The following ITPR2 variants were observed in gnomAD, a reference collection of about 807,000 sequenced individuals.
The protein encoded by ITPR2 is inositol 1,4,5-trisphosphate receptor type 2.
Under a neutral mutation model 317.1 loss-of-function variants are expected in ITPR2, and 207 were observed. That is an observed-to-expected ratio of 0.65 (90% CI 0.58 to 0.73). The LOEUF (loss-of-function observed/expected upper bound fraction) is 0.73. Ranked by LOEUF, ITPR2 falls within the 30% of genes least tolerant of loss-of-function variation. ITPR2 has a pLI of 0.00. For synonymous variants in ITPR2, 1,156 were observed against 1,149.1 expected, an observed-to-expected ratio of 1.01 and a Z score of -0.12; for missense variants, 2,613 against 3,284.0, an observed-to-expected ratio of 0.80 and a Z score of 4.99.
At chr12:26,467,634 T>A (rs1270815433) in intron 45 of ITPR2, among the ~76,000 whole-genome samples, 1 of 152,164 alleles carries the variant, frequency 6.6e-6, no homozygotes, top group Non-Finnish European at 1.5e-5. Flanking sequence ...AGACTGATGC[T>A]CTAATAATTA....
At chr12:26,509,093 T>A (rs1056433494) in intron 37 of ITPR2, among the ~76,000 whole-genome samples, 8 of 152,204 alleles carry the variant, frequency 5.3e-5, no homozygotes, top group African/African-American at 1.9e-4. Flanking sequence ...CTAGAACATG[T>A]ATGAGCCTTG....
chr12:26,687,299 TA>T (rs1175789267), intron 10 of ITPR2, among the ~76,000 whole-genome samples: 9 of 152,178 alleles, frequency 5.9e-5, no homozygotes, highest in African/African-American at 2.2e-4. Context: ...CAAGTCCCAG[TA>T]CCCCATGGAA....
chr12:26,568,187 G>T (rs1457860363), intron 34 of ITPR2, among the ~76,000 whole-genome samples: 1 of 150,752 alleles, frequency 6.6e-6, no homozygotes, highest in African/African-American at 2.4e-5. Context: ...AATACAAAGG[G>T]TCACTTTAAA....
chr12:26,408,561 T>G (rs1940435108), intron 52 of ITPR2, among the ~76,000 whole-genome samples: 1 of 152,172 alleles, frequency 6.6e-6, no homozygotes. Flanking sequence ...GACCTCATTC[T>G]AGGAGAGTGG....
At chr12:26,400,007 T>TA in intron 53 of ITPR2, 121 bp downstream of exon 53, 1 of 1,014,688 alleles carries the variant, frequency 9.9e-7, no homozygotes. Context: ...GCCATGGTTA[T>TA]ACTTTTAAAG....
At chr12:26,483,977 GC>G (rs1200046735) in intron 41 of ITPR2, 79 bp from the exon 42 acceptor site, 1 of 1,219,364 alleles carries the variant, frequency 8.2e-7, no homozygotes, top group Non-Finnish European at 1.2e-6. Context: ...CCATATGTGT[GC>G]TTTTCTAACT....
intron 9 of ITPR2, among the ~76,000 whole-genome samples, chr12:26,700,983 T>G (rs550264417): frequency 6.6e-6 from 1 of 152,320 alleles, no homozygotes; most frequent in Admixed American, 6.5e-5. Context: ...ATTTATTGAT[T>G]TTGTATGGCA....
At chr12:26,783,520 C>T (rs768911177) in intron 2 of ITPR2, among the ~76,000 whole-genome samples, 1 of 152,052 alleles carries the variant, frequency 6.6e-6, no homozygotes, top group Non-Finnish European at 1.5e-5. Context: ...ATAGAAATGG[C>T]ACATATATCA....
At chr12:26,610,196 G>C (rs1475701262) in intron 26 of ITPR2, among the ~76,000 whole-genome samples, 1 of 152,244 alleles carries the variant, frequency 6.6e-6, no homozygotes, top group Non-Finnish European at 1.5e-5. Context: ...ATCAGGGTTA[G>C]ACATTCTACC....
chr12:26,593,729 A>T (rs374378073), intron 32 of ITPR2, among the ~76,000 whole-genome samples: 1 of 85,722 alleles, frequency 1.2e-5, no homozygotes, highest in Admixed American at 9.8e-5. Context: ...AATCATTGCT[A>T]TTTTTTTGTT....
At chr12:26,423,239 C>A (rs1420738504) in intron 49 of ITPR2, among the ~76,000 whole-genome samples, 3 of 152,012 alleles carry the variant, frequency 2.0e-5, no homozygotes, top group Non-Finnish European at 4.4e-5. Context: ...TTGTTTACTC[C>A]AAATATATCA....
intron 1 of ITPR2, among the ~76,000 whole-genome samples, chr12:26,797,682 C>CTT (rs71069269): frequency 4.2e-5 from 3 of 71,906 alleles, no homozygotes; most frequent in African/African-American, 6.2e-5. Flanking sequence ...ATGGAATTGT[C>CTT]TTTTTTTTTT....
chr12:26,663,890 T>C (rs762409368), intron 14 of ITPR2, 44 bp from the exon 15 acceptor site: 33 of 1,497,650 alleles, frequency 2.2e-5, no homozygotes, highest in Admixed American at 1.4e-4. Context: ...GAATAAAATG[T>C]TTTGCAACCT....
intron 2 of ITPR2, among the ~76,000 whole-genome samples, chr12:26,782,033 T>TAGAGAGAGA (rs1950101026): frequency 3.3e-4 from 6 of 18,040 alleles, no homozygotes; most frequent in African/African-American, 8.3e-4. Context: ...TATATATATA[T>TAGAGAGAGA]GTATAGAGAG....
At chr12:26,740,311 A>G (rs956572861) in intron 2 of ITPR2, among the ~76,000 whole-genome samples, 3 of 152,228 alleles carry the variant, frequency 2.0e-5, no homozygotes, top group Admixed American at 6.5e-5. Context: ...GAATGGCCAC[A>G]TTGGATTGAA....
chr12:26,576,372 T>G (rs538671309), intron 34 of ITPR2, among the ~76,000 whole-genome samples: 1 of 152,210 alleles, frequency 6.6e-6, no homozygotes, highest in African/African-American at 2.4e-5. Context: ...TTACGTTCTC[T>G]TTCTTTATTT....
chr12:26,670,893 C>G lies in ITPR2; in HGVS notation c.1410-4842G>C, dbSNP rs976588864. On this transcript the variant is annotated intron_variant, in intron 13 of 56. Coordinates refer to ENST00000381340, the MANE Select transcript of ITPR2 (RefSeq NM_002223.4). ...CTGAAAGCCAAGGCTCGAGAACTAC[C>G]TGAAGAATGCAGAAGCCTCAGGAGC... Among the ~76,000 whole-genome samples, 43 of 152,066 alleles carry G rather than the reference C, an allele frequency of 2.8e-4. 1 individual carries two copies. The highest frequency in any genetic ancestry group is 1.2e-4 in the Non-Finnish European group (8 of 68,022).
chr12:26,686,677 C>T lies in ITPR2; in HGVS notation c.997-45G>A, dbSNP rs377571674. 1.2e-4 allele frequency: 183 copies of T among 1,513,376 alleles called. 1 individual carries two copies. The highest frequency in any genetic ancestry group is 1.6e-4 in the Non-Finnish European group (179 of 1,111,916). 93.7% of individuals were successfully genotyped at this position (1,513,376 alleles called of 1,614,324 possible). On this transcript the variant is annotated intron_variant, in intron 10 of 56. Transcript: ENST00000381340. ...TTATTTACTTTTATCACGTTTCTTG[C>T]TAAACTCTCCAATTAATCAGGTGAT...
At chr12:26,802,985 T>A (rs1387582531) in intron 1 of ITPR2, among the ~76,000 whole-genome samples, 1 of 152,198 alleles carries the variant, frequency 6.6e-6, no homozygotes, top group African/African-American at 2.4e-5. Flanking sequence ...TGAGCATATA[T>A]GGAATATTAA....
Sources: allele counts gnomAD v4.1 joint callset (sites outside exome capture counted in the v4.1 genomes callset), GRCh38; gene constraint gnomAD v4.1.1; transcripts MANE v1.5; gene names NCBI Gene and HGNC (gene_info 2026-07-23, HGNC 2026-07-21).